CYP3A5: variants seen among roughly 807,000 people sequenced by gnomAD.
CYP3A5 encodes the protein cytochrome P450 3A5.
CYP3A5 carries 51 observed loss-of-function variants against 55.9 expected under a neutral mutation model. The observed-to-expected ratio is 0.91, with a 90% CI of 0.73 to 1.15. The LOEUF is 1.15. Ranked by LOEUF, CYP3A5 falls within the 50% of genes most tolerant of loss-of-function variation. The probability of loss-of-function intolerance (pLI) is 0.00; values close to 1 mark genes in which losing one functional copy is unlikely to be tolerated. For synonymous variants in CYP3A5, 196 were observed against 213.9 expected (o/e 0.92, Z 0.73); for missense variants, 533 against 596.6 (o/e 0.89, Z 1.11).
chr7:99,674,585 C>T lies in CYP3A5; in HGVS notation c.166G>A (p.Gly56Ser). The stretch of plus-strand genomic sequence containing the variant: ...CACTCTGTGTCAAATTTCCAGAGAC[C>T]CTGGGAGAGGAAACAAAATACAAGT... ...LLGNVLSYRQ[G>S]LWKFDTECYK... is the part of the protein sequence containing the mutation. Residue 56 changes from glycine to serine, a missense_variant and splice_region_variant, in exon 3 of 13, where the codon GGT (glycine) becomes AGT (serine). Gly to Ser is a moderately conservative substitution (Grantham distance 56). Transcript: ENST00000222982. 2.5e-6 allele frequency: 4 copies of T among 1,612,634 alleles called. No individual in the cohort carries two copies. Among genetic ancestry groups the T allele is most frequent in the Non-Finnish European group, 3.4e-6 (4 of 1,178,936 alleles).
At chr7:99,654,089 T>C (rs544121459) in intron 10 of CYP3A5, among the ~76,000 whole-genome samples, 1 of 152,314 alleles carries the variant, frequency 6.6e-6, no homozygotes, top group Admixed American at 6.5e-5. Flanking sequence ...TTTTGAATTT[T>C]TTTTTTTATA....
Position 99,671,875 on chromosome 7 carries a change from A to G in CYP3A5, c.318+705T>C, listed in dbSNP as rs1301325748. 4.3e-6 allele frequency: 3 copies of G among 702,492 alleles called. No homozygotes were observed. In the African/African-American group the frequency reaches 5.2e-5, roughly 12 times the overall value. The allele number at this position is 702,492 out of a possible 1,614,324, so 43.5% of individuals were successfully genotyped here. A position where few individuals can be genotyped will look rare whatever the true frequency, so the allele number is the denominator to read the frequency against. Reference sequence around the variant, plus strand: ...ATCTTGATGGTGCTGGTCGTTGCACAAATCTACGAATGTGAAAAATTGCTT... The same window carrying G: ...ATCTTGATGGTGCTGGTCGTTGCACGAATCTACGAATGTGAAAAATTGCTT... On this transcript the variant is annotated intron_variant, in intron 4 of 12. Transcript: ENST00000222982.
intron 2 of CYP3A5, among the ~76,000 whole-genome samples, chr7:99,675,141 A>T (rs1419939611): frequency 6.6e-6 from 1 of 152,242 alleles, no homozygotes; most frequent in Non-Finnish European, 1.5e-5. Flanking sequence ...GTGAATGAGA[A>T]AGTAGACTTC....
At chr7:99,679,169 T>C (rs1470476516) in intron 1 of CYP3A5, among the ~76,000 whole-genome samples, 1 of 152,112 alleles carries the variant, frequency 6.6e-6, no homozygotes, top group Non-Finnish European at 1.5e-5. Flanking sequence ...AGGTTAATCA[T>C]TGCAAGATAA....
chr7:99,676,322 AAAT>A, intron 1 of CYP3A5, 114 bp from the exon 2 acceptor site: 1 of 1,568,380 alleles, frequency 6.4e-7, no homozygotes, highest in African/African-American at 1.4e-5. Context: ...TGTACACGAT[AAAT>A]AATAACAGCA....
chr7:99,676,172 C>T lies in CYP3A5; in HGVS notation c.108G>A (p.Leu36=), dbSNP rs374570362. 1 of 1,613,778 alleles carries T rather than the reference C, an allele frequency of 6.2e-7. No individual in the cohort carries two copies. Among genetic ancestry groups the T allele is most frequent in the South Asian group, 1.1e-5 (1 of 91,074 alleles). The change falls in exon 2 of 13, where the codon CTG becomes CTA. Residue 36 remains leucine, a synonymous_variant. Transcript: ENST00000222982. ...GTRTHGLFKR[L]GIPGPTPLPL... ...GCAGAGGTGTGGGCCCTGGAATTCC[C>T]AGTCTCTTAAAAAGTCCATGTGTAC...
At chr7:99,678,013 G>T (rs1239972802) in intron 1 of CYP3A5, among the ~76,000 whole-genome samples, 1 of 152,202 alleles carries the variant, frequency 6.6e-6, no homozygotes, top group Admixed American at 6.5e-5. Context: ...TGCAGCCTTT[G>T]GGTCCAGTGA....
intron 12 of CYP3A5, 22 bp from the exon 13 acceptor site, chr7:99,648,422 A>T (rs754853354): frequency 2.0e-6 from 3 of 1,475,034 alleles, no homozygotes; most frequent in Non-Finnish European, 2.8e-6. Flanking sequence ...AAACAAGCAT[A>T]TGGAGAATTA....
At chr7:99,657,495 AC>A (rs1809883473) in intron 10 of CYP3A5, among the ~76,000 whole-genome samples, 1 of 152,202 alleles carries the variant, frequency 6.6e-6, no homozygotes, top group Admixed American at 6.5e-5. Context: ...GGAGTGCTTT[AC>A]TTCCAACTAT....
chr7:99,675,645 CCCCCT>C (rs1812177289), intron 2 of CYP3A5, among the ~76,000 whole-genome samples: 1 of 246 alleles, frequency 4.1e-3, no homozygotes, highest in Admixed American at 0.025. Flanking sequence ...TCCTCTCCTC[CCCCCT>C]CCCCTCCCCT....
chr7:99,649,350 GA>G (rs1469252603), intron 12 of CYP3A5, among the ~76,000 whole-genome samples: 5 of 152,156 alleles, frequency 3.3e-5, no homozygotes, highest in African/African-American at 1.2e-4. Flanking sequence ...ACCGGTCCTG[GA>G]AATAAGACTT....
intron 3 of CYP3A5, 179 bp downstream of exon 3, chr7:99,674,352 GAT>G: frequency 2.1e-6 from 1 of 485,042 alleles, no homozygotes; most frequent in Non-Finnish European, 3.7e-6. Context: ...ACGGCAAGCA[GAT>G]TCCCATTGCA....
chr7:99,652,809 C>A, intron 10 of CYP3A5, 30 bp from the exon 11 acceptor site: 1 of 1,576,506 alleles, frequency 6.3e-7, no homozygotes, highest in Non-Finnish European at 8.7e-7. Flanking sequence ...ATTGGATAAT[C>A]TGAGATTTTG....
chr7:99,671,656 G>A (rs1584464387), intron 4 of CYP3A5: 1 of 587,554 alleles, frequency 1.7e-6, no homozygotes, highest in Non-Finnish European at 3.0e-6. Context: ...AAGCAATGTA[G>A]GAAGGAGGGC....
Position 99,665,332 on chromosome 7 carries a change from T to G in CYP3A5, c.522-18A>C. ...CAAAGATGCTGAGTGGAGAAAGATATGGAAAATTAAAATCAGCACCTCTTA... is the reference window on the plus strand; with the variant it reads ...CAAAGATGCTGAGTGGAGAAAGATAGGGAAAATTAAAATCAGCACCTCTTA... On this transcript the variant is annotated intron_variant, in intron 6 of 12. Transcript: ENST00000222982. 1 of 1,613,828 alleles carries G rather than the reference T, an allele frequency of 6.2e-7. No individual in the cohort carries two copies. Among genetic ancestry groups the G allele is most frequent in the Non-Finnish European group, 8.5e-7 (1 of 1,179,956 alleles).
chr7:99,655,978 G>C (rs1809682475), intron 10 of CYP3A5, among the ~76,000 whole-genome samples: 1 of 152,062 alleles, frequency 6.6e-6, no homozygotes, highest in African/African-American at 2.4e-5. Flanking sequence ...GGAGATTTTG[G>C]GCTGAGACGA....
In CYP3A5 at chr7:99,679,903, T is replaced by C. The variant is rs1812673879; in HGVS notation, c.-7A>G. ...AATTTGGGATGAGGTCCATCGCCAC[T>C]TTCCTTCTTCAACTGTGTTCTGTGA... On this transcript the variant is annotated 5_prime_UTR_variant, in exon 1 of 13. Transcript: ENST00000222982. The C allele has an allele frequency of 6.2e-7, 1 of 1,613,592 alleles. No individual in the cohort carries two copies. The highest frequency in any genetic ancestry group is 1.7e-5 in the Admixed American group (1 of 60,000).
rs1216884987 is a variant in CYP3A5, at chr7:99,679,812, G to A, written c.71+14C>T. 1.7e-5 allele frequency: 27 copies of A among 1,613,650 alleles called. No individual in the cohort carries two copies. Among genetic ancestry groups the A allele is most frequent in the Non-Finnish European group, 2.2e-5 (26 of 1,179,694 alleles). ...TCCAAGGAAACAAAGAGAGGAGTTT[G>A]GACAGTTACTCACAGATAGAGGAGC... On this transcript the variant is annotated intron_variant, in intron 1 of 12. Coordinates refer to ENST00000222982, the MANE Select transcript of CYP3A5 (RefSeq NM_000777.5).
In CYP3A5 at chr7:99,662,191, T is replaced by G. The variant is rs979364415; in HGVS notation, c.865+625A>C. 6.6e-6 allele frequency among the ~76,000 whole-genome samples: 1 copy of G among 152,140 alleles called. No individual in the cohort carries two copies. Among genetic ancestry groups the G allele is most frequent in the African/African-American group, 2.4e-5 (1 of 41,428 alleles). On this transcript the variant is annotated intron_variant, in intron 9 of 12. Transcript: ENST00000222982. The surrounding 1 kb of genome is among the most constrained non-coding windows in gnomAD (Gnocchi z 4.3). ...AACCAATTGTTAAATATTCAAAAAT[T>G]TTGTGAGATGGTTGCCAAATCTTGG...
Sources: allele counts gnomAD v4.1 joint callset (sites outside exome capture counted in the v4.1 genomes callset), GRCh38; gene constraint gnomAD v4.1.1; non-coding constraint Gnocchi (gnomAD v3.1); transcripts MANE v1.5; gene names NCBI Gene and HGNC (gene_info 2026-07-23, HGNC 2026-07-21).